MACF1: variants seen among roughly 807,000 people sequenced by gnomAD.
The protein encoded by MACF1 is microtubule-actin cross-linking factor 1.
A neutral mutation model predicts 854.8 loss-of-function variants in MACF1; 193 were observed. The ratio of observed to expected loss-of-function variants is 0.23; its 90% CI spans 0.20 to 0.25. The LOEUF is 0.25. MACF1 is among the 10% of genes least tolerant of loss of function. MACF1 has a pLI of 1.00. For missense variants in MACF1, 7,722 were observed against 8,929.1 expected, an observed-to-expected ratio of 0.86 and a Z score of 5.45; for synonymous variants, 3,185 against 3,226.7, an observed-to-expected ratio of 0.99 and a Z score of 0.44.
intron 2 of MACF1, among the ~76,000 whole-genome samples, chr1:39,146,767 AAAAC>A (rs1255110804): frequency 1.3e-5 from 2 of 152,032 alleles, no homozygotes; most frequent in African/African-American, 4.8e-5. Context: ...AAGACTAAAT[AAAAC>A]CTAGTATTTG....
At chr1:39,093,309 T>C (rs1194456562) in intron 2 of MACF1, among the ~76,000 whole-genome samples, 3 of 120,386 alleles carry the variant, frequency 2.5e-5, no homozygotes, top group East Asian at 4.7e-4. Flanking sequence ...CCACTTCTTT[T>C]TTTTTTTTTT....
At chr1:39,259,599 TTTTTTCTTTTTC>T (rs904950278) in intron 6 of MACF1, among the ~76,000 whole-genome samples, 1 of 151,938 alleles carries the variant, frequency 6.6e-6, no homozygotes, top group Non-Finnish European at 1.5e-5. Flanking sequence ...TTTTCTTTTC[TTTTTTCTTTTTC>T]TTTTTCTTTC....
intron 2 of MACF1, among the ~76,000 whole-genome samples, chr1:39,147,021 CCTT>C (rs1643480943): frequency 6.6e-6 from 1 of 151,266 alleles, no homozygotes; most frequent in African/African-American, 2.4e-5. Context: ...TTCTTCTTTT[CCTT>C]CTTCCTTCCT....
chr1:39,424,077 A>G lies in MACF1; in HGVS notation c.16199A>G (p.Gln5400Arg), dbSNP rs1395228279. The G allele has an allele frequency of 3.7e-6, 6 of 1,612,210 alleles. No homozygotes were observed. Among genetic ancestry groups the G allele is most frequent in the Non-Finnish European group, 5.1e-6 (6 of 1,179,740 alleles). The change falls in exon 61 of 101, where the codon CAA becomes CGA. Residue 5400 changes from glutamine to arginine, a missense_variant. Physicochemically the swap from Gln to Arg is conservative, Grantham distance 43 (BLOSUM62 1). Around this residue, in one of 15 missense-constraint regions of MACF1, gnomAD observed 2,807 missense variants for 3,235.8 expected, o/e 0.87. Transcript: ENST00000564288. ...CGAAAGGCCACAGTAGACATGCTTC[A>G]AGCAGAAGGAGGCAGAATAGCCCAG... ...DDRKATVDML[Q>R]AEGGRIAQSA...
At chr1:39,482,233 C>T (rs1645023976) in intron 99 of MACF1, among the ~76,000 whole-genome samples, 1 of 152,230 alleles carries the variant, frequency 6.6e-6, no homozygotes, top group African/African-American at 2.4e-5. Flanking sequence ...TAGCTGTGGT[C>T]TTCCAGCAGC....
chr1:39,435,743 C>T lies in MACF1; in HGVS notation c.17970C>T (p.Ala5990=), dbSNP rs759547685. 6.8e-6 allele frequency: 11 copies of T among 1,614,082 alleles called. No homozygotes were observed. The highest frequency in any genetic ancestry group is 1.7e-5 in the Admixed American group (1 of 60,016). The change falls in exon 70 of 101, where the codon GCC becomes GCT. Residue 5990 remains alanine, a synonymous_variant. Coordinates refer to ENST00000564288, the MANE Select transcript of MACF1 (RefSeq NM_001394062.1). ...AGCGAGCCCTGGCTCTGGATGAAGC[C>T]GTGTCCCAGTCCACACAGGTATGTG... is the stretch of plus-strand genomic sequence containing the variant. ...VRQRALALDE[A]VSQSTQFHDK... is the part of the protein sequence containing the mutation.
At chr1:39,365,305 T>C (rs1648603593) in intron 49 of MACF1, among the ~76,000 whole-genome samples, 2 of 152,144 alleles carry the variant, frequency 1.3e-5, no homozygotes, top group Non-Finnish European at 2.9e-5. Flanking sequence ...CTCGATCTGC[T>C]GACCTCGTGA....
chr1:39,120,726 T>C (rs1484333954), intron 2 of MACF1, among the ~76,000 whole-genome samples: 1 of 152,200 alleles, frequency 6.6e-6, no homozygotes, highest in Non-Finnish European at 1.5e-5. Context: ...TAGGTGTATG[T>C]ATTTATGAGG....
chr1:39,315,405 A>T (rs1646392859), intron 26 of MACF1, 108 bp from the exon 27 acceptor site: 1 of 878,786 alleles, frequency 1.1e-6, no homozygotes, highest in Non-Finnish European at 1.8e-6. Flanking sequence ...CCTCCTATAT[A>T]TGGGCATTTA....
rs537281515 is a variant in MACF1, at chr1:39,225,366, G to A, written c.110-5816G>A. Among the ~76,000 whole-genome samples, 854 of 150,884 alleles carry A rather than the reference G, an allele frequency of 5.7e-3. 10 individuals carry two copies. The highest frequency in any genetic ancestry group is 0.02 in the African/African-American group (815 of 41,070). ...CGAGTAGCTGGGACTACAGGCGCCC[G>A]CCACCGCGCCCGGCTAATTTTTTGT... is the stretch of plus-strand genomic sequence containing the variant. On this transcript the variant is annotated intron_variant, in intron 1 of 100. Transcript: ENST00000564288.
At chr1:39,252,038 T>C (rs1409539348) in intron 4 of MACF1, 97 bp downstream of exon 4, 1 of 719,752 alleles carries the variant, frequency 1.4e-6, no homozygotes, top group Non-Finnish European at 2.0e-6. Context: ...GTAGTTCAGT[T>C]ACTATTTGCC....
rs1644105696 is a variant in MACF1 at position 39,441,027 on chromosome 1, C to T, written c.18472C>T (p.Leu6158=). The change falls in exon 73 of 101, where the codon CTG becomes TTG. Residue 6158 remains leucine, a synonymous_variant. Coordinates refer to ENST00000564288, the MANE Select transcript of MACF1 (RefSeq NM_001394062.1). ...GACTATTAAGGAAGAGACAGATGGT[C>T]TGCATGAAGAGCTGGAGTTTATTCG... The part of the protein sequence containing the change: ...AETIKEETDG[L]HEELEFIRIL... The T allele has an allele frequency of 6.2e-7, 1 of 1,614,116 alleles. No individual in the cohort carries two copies. Among genetic ancestry groups the T allele is most frequent in the African/African-American group, 1.3e-5 (1 of 75,038 alleles).
At chr1:39,091,786 C>A (rs1341558401) in intron 2 of MACF1, among the ~76,000 whole-genome samples, 1 of 152,142 alleles carries the variant, frequency 6.6e-6, no homozygotes, top group South Asian at 2.1e-4. Context: ...AGCCACTGCA[C>A]CCGGCTGCCC....
chr1:39,232,761 TTTTTTTTG>T (rs1644797094), intron 2 of MACF1, among the ~76,000 whole-genome samples: 1 of 139,794 alleles, frequency 7.2e-6, no homozygotes, highest in African/African-American at 2.6e-5. Context: ...TTTTTTTTTT[TTTTTTTTG>T]TTTGTTTGTT....
chr1:39,422,946 T>C, intron 60 of MACF1, 46 bp downstream of exon 60: 1 of 1,555,182 alleles, frequency 6.4e-7, no homozygotes, highest in Non-Finnish European at 8.8e-7. Context: ...CCGTAGGGAG[T>C]AGTAGACAAC....
chr1:39,212,829 T>G (rs908548619), intron 1 of MACF1, among the ~76,000 whole-genome samples: 2 of 152,242 alleles, frequency 1.3e-5, no homozygotes, highest in African/African-American at 4.8e-5. Flanking sequence ...TTCGCCATGT[T>G]GGCCAGGGTG....
Position 39,138,114 on chromosome 1 carries a change from A to G in MACF1, c.220+53676A>G, listed in dbSNP as rs1457675247. 2.0e-5 allele frequency among the ~76,000 whole-genome samples: 3 copies of G among 151,610 alleles called. No homozygotes were observed. In the South Asian group the frequency reaches 6.2e-4, roughly 31 times the overall value. On this transcript the variant is annotated intron_variant, in intron 2 of 93. Transcript: ENST00000361689. ...AAAAAAAGTCTGAAACAGTATTGGA[A>G]GCTTTAATTTCTATTTCAACAAATT... is the stretch of plus-strand genomic sequence containing the variant.
chr1:39,373,640 G>A (rs563116316), intron 52 of MACF1, among the ~76,000 whole-genome samples: 6 of 151,500 alleles, frequency 4.0e-5, no homozygotes, highest in African/African-American at 1.5e-4. Flanking sequence ...ATCACTTGAG[G>A]TCGGGAGTTC....
intron 2 of MACF1, among the ~76,000 whole-genome samples, chr1:39,163,758 A>G (rs1253584746): frequency 6.6e-6 from 1 of 152,096 alleles, no homozygotes; most frequent in Non-Finnish European, 1.5e-5. Flanking sequence ...TTCACACCCC[A>G]ACATACACCC....
Sources: allele counts gnomAD v4.1 joint callset (sites outside exome capture counted in the v4.1 genomes callset), GRCh38; gene constraint gnomAD v4.1.1; regional missense constraint gnomAD v4.1.1; transcripts MANE v1.5; gene names NCBI Gene and HGNC (gene_info 2026-07-23, HGNC 2026-07-21).